Variants in EPHA6 observed in about 807,000 individuals in gnomAD.
EPHA6 encodes ephrin type-A receptor 6.
EPHA6 carries 50 observed loss-of-function variants against 112.0 expected under a neutral mutation model. That is an observed-to-expected ratio of 0.45 (90% confidence interval 0.36 to 0.56). The LOEUF is 0.56. Among genes scored for constraint, EPHA6 ranks in the 20% least tolerant of loss-of-function variants. The probability of loss-of-function intolerance (pLI) is 0.00; values close to 1 mark genes in which losing one functional copy is unlikely to be tolerated. For missense variants in EPHA6, 1,280 were observed against 1,417.4 expected, an observed-to-expected ratio of 0.90 and a Z score of 1.56; for synonymous variants, 529 against 490.7, an observed-to-expected ratio of 1.08 and a Z score of -1.03.
At chr3:97,314,667 T>TA (rs898169466) in intron 5 of EPHA6, among the ~76,000 whole-genome samples, 15 of 151,626 alleles carry the variant, frequency 9.9e-5, no homozygotes, top group Admixed American at 2.6e-4. Context: ...AAAATGTTTA[T>TA]AAAAAGTTGA....
chr3:97,080,572 T>C (rs2046688969), intron 3 of EPHA6, among the ~76,000 whole-genome samples: 1 of 152,040 alleles, frequency 6.6e-6, no homozygotes, highest in South Asian at 2.1e-4. Flanking sequence ...GAACAGAAAT[T>C]ACTGTATATG....
intron 14 of EPHA6, among the ~76,000 whole-genome samples, chr3:97,670,178 G>C (rs2030662918): frequency 6.6e-6 from 1 of 152,108 alleles, no homozygotes; most frequent in Non-Finnish European, 1.5e-5. Context: ...AGACCTCAAA[G>C]TTAGCTTTTT....
chr3:96,999,381 C>T (rs888051168), intron 3 of EPHA6, among the ~76,000 whole-genome samples: 1 of 151,942 alleles, frequency 6.6e-6, no homozygotes, highest in Non-Finnish European at 1.5e-5. Context: ...GGGATCCAGA[C>T]TTCTTGCCTT....
At chr3:97,355,278 G>A (rs1256980323) in intron 5 of EPHA6, among the ~76,000 whole-genome samples, 1 of 152,028 alleles carries the variant, frequency 6.6e-6, no homozygotes, top group Non-Finnish European at 1.5e-5. Flanking sequence ...ACTAAAAGAT[G>A]AACCCATCAA....
chr3:97,147,042 G>GCAAAGCACGCTGGCATCATATGCT (rs1247032423), intron 3 of EPHA6, among the ~76,000 whole-genome samples: 6 of 151,888 alleles, frequency 4.0e-5, no homozygotes, highest in Non-Finnish European at 8.8e-5. Flanking sequence ...AAAGATGTTG[G>GCAAAGCACGCTGGCATCATATGCT]CAAAGCACGC....
At chr3:97,418,166 A>G (rs2088290678) in intron 6 of EPHA6, among the ~76,000 whole-genome samples, 1 of 151,406 alleles carries the variant, frequency 6.6e-6, no homozygotes, top group East Asian at 1.9e-4. Context: ...AAAAAACTCA[A>G]TAAATAGATA....
chr3:96,994,709 G>GTGTATA lies in EPHA6; in HGVS notation c.1114+6717_1114+6718insGTATAT, dbSNP rs1363786371. Reference sequence around the variant, plus strand: ...TGTGTGTGTATGTGTGTGTGTGTGTGTATATATATATATATATATATATAG... The same window carrying GTGTATA: ...TGTGTGTGTATGTGTGTGTGTGTGTGTGTATATATATATATATATATATATATATAG... On this transcript the variant is annotated intron_variant, in intron 3 of 17. Coordinates refer to ENST00000389672, the MANE Select transcript of EPHA6 (RefSeq NM_001080448.3). Among the ~76,000 whole-genome samples the GTGTATA allele has an allele frequency of 4.8e-3, 475 of 98,310 alleles. 13 individuals are homozygous for GTGTATA. Among genetic ancestry groups the GTGTATA allele is most frequent in the African/African-American group, 0.024 (449 of 18,502 alleles). 64.5% of individuals were successfully genotyped at this position (98,310 alleles called of 152,430 possible). A position where few individuals can be genotyped will look rare whatever the true frequency, so the allele number is the denominator to read the frequency against.
chr3:96,949,199 A>C (rs1224722232), intron 2 of EPHA6, among the ~76,000 whole-genome samples: 1 of 152,284 alleles, frequency 6.6e-6, no homozygotes, highest in Non-Finnish European at 1.5e-5. Context: ...AAAAATTGTA[A>C]GTTTTTTTTC....
intron 2 of EPHA6, among the ~76,000 whole-genome samples, chr3:96,910,812 A>G (rs534236865): frequency 1.3e-5 from 2 of 152,160 alleles, no homozygotes; most frequent in South Asian, 2.1e-4. Flanking sequence ...AGCATTAGTT[A>G]GTTGTATGTT....
chr3:97,515,195 G>A (rs2092429081), intron 10 of EPHA6, among the ~76,000 whole-genome samples: 2 of 152,198 alleles, frequency 1.3e-5, no homozygotes, highest in African/African-American at 4.8e-5. Flanking sequence ...TTCTCCAAAT[G>A]TGCTCAGTAG....
chr3:97,597,903 G>A (rs1255794997), intron 12 of EPHA6, among the ~76,000 whole-genome samples: 2 of 152,242 alleles, frequency 1.3e-5, no homozygotes, highest in East Asian at 1.9e-4. Context: ...GCATATAGAG[G>A]ACTGTAGAAA....
At chr3:97,279,068 AT>A (rs1559847816) in intron 5 of EPHA6, among the ~76,000 whole-genome samples, 3 of 152,152 alleles carry the variant, frequency 2.0e-5, no homozygotes. Context: ...CACTCACATA[AT>A]TTACTAGTGG....
intron 10 of EPHA6, among the ~76,000 whole-genome samples, chr3:97,503,182 A>T (rs1296233604): frequency 3.3e-5 from 5 of 152,182 alleles, no homozygotes; most frequent in Non-Finnish European, 5.9e-5. Flanking sequence ...TGACCTCAGG[A>T]TAAATAGGAA....
rs1405821169 is a variant in EPHA6, at chr3:97,095,340, A to G, written c.1114+107347A>G. 2.6e-5 allele frequency among the ~76,000 whole-genome samples: 4 copies of G among 151,988 alleles called. No homozygotes were observed. The East Asian group carries it at 7.7e-4, about 29-fold the overall frequency. On this transcript the variant is annotated intron_variant, in intron 3 of 17. Coordinates refer to ENST00000389672, the MANE Select transcript of EPHA6 (RefSeq NM_001080448.3). Reference sequence around the variant, plus strand: ...AAAGGGAGGGATAGCATTAGGAGATATACCTAATGTAAATGATGAGTTAAT... The same window carrying G: ...AAAGGGAGGGATAGCATTAGGAGATGTACCTAATGTAAATGATGAGTTAAT...
At chr3:97,471,047 A>C (rs2091215143) in intron 7 of EPHA6, among the ~76,000 whole-genome samples, 1 of 151,736 alleles carries the variant, frequency 6.6e-6, no homozygotes, top group Admixed American at 6.6e-5. Flanking sequence ...GAAAAAACTG[A>C]ATGGATAATG....
At chr3:97,698,923 AATT>A (rs1350777888) in intron 14 of EPHA6, among the ~76,000 whole-genome samples, 9 of 152,210 alleles carry the variant, frequency 5.9e-5, no homozygotes, top group African/African-American at 2.2e-4. Flanking sequence ...GTCTGTGAAG[AATT>A]ATTATCTCTC....
At chr3:97,385,132 AC>A (rs928771405) in intron 5 of EPHA6, among the ~76,000 whole-genome samples, 1 of 152,312 alleles carries the variant, frequency 6.6e-6, no homozygotes, top group Admixed American at 6.5e-5. Context: ...ATCAATCTTG[AC>A]AAAATCTATA....
chr3:96,872,524 G>A (rs981457147), intron 2 of EPHA6, among the ~76,000 whole-genome samples: 1 of 151,960 alleles, frequency 6.6e-6, no homozygotes, highest in Non-Finnish European at 1.5e-5. Context: ...AAGTCTGCTG[G>A]CAACACATTC....
intron 1 of EPHA6, among the ~76,000 whole-genome samples, chr3:96,846,558 G>A (rs1167179756): frequency 1.3e-5 from 2 of 151,984 alleles, no homozygotes; most frequent in African/African-American, 2.4e-5. Context: ...GGAAAAATAA[G>A]ATAGAATTAA....
Sources: allele counts gnomAD v4.1 joint callset (sites outside exome capture counted in the v4.1 genomes callset), GRCh38; gene constraint gnomAD v4.1.1; transcripts MANE v1.5; gene names NCBI Gene and HGNC (gene_info 2026-07-23, HGNC 2026-07-21).